The following HK2 variants were observed in gnomAD, a reference collection of about 807,000 sequenced individuals.
HK2 encodes the protein hexokinase-2.
In HK2, 42 loss-of-function variants were observed where a neutral mutation model predicts 92.9. The observed-to-expected ratio is 0.45, with a 90% CI of 0.35 to 0.58. HK2 has a LOEUF of 0.58. Ranked by LOEUF, HK2 falls within the 20% of genes least tolerant of loss-of-function variation. HK2 has a pLI of 0.00. For missense variants in HK2, 978 were observed against 1,245.1 expected (o/e 0.79, Z 3.23); for synonymous variants, 422 against 468.0 (o/e 0.90, Z 1.27).
At chr2:74,884,130 G>T (rs1359129717) in intron 12 of HK2, among the ~76,000 whole-genome samples, 1 of 152,082 alleles carries the variant, frequency 6.6e-6, no homozygotes, top group East Asian at 1.9e-4. Context: ...TTATATATTT[G>T]CCAGGGAAAC....
intron 16 of HK2, 44 bp from the exon 17 acceptor site, chr2:74,889,201 T>C: frequency 6.6e-7 from 1 of 1,521,418 alleles, no homozygotes; most frequent in South Asian, 1.2e-5. Context: ...CTACCAGCCT[T>C]CTTGGTGCAT....
rs373048090 is a variant in HK2 at position 74,881,811 on chromosome 2, C to T, written c.1671C>T (p.Asn557=). The T allele has an allele frequency of 1.9e-6, 3 of 1,614,210 alleles. No homozygotes were observed. The highest frequency in any genetic ancestry group is 1.7e-6 in the Non-Finnish European group (2 of 1,180,044). Residue 557 remains asparagine (N), a synonymous_variant, in exon 11 of 18, where the codon AAC becomes AAT. Transcript: ENST00000290573. ...NGKWGGVEMH[N]KIYAIPQEVM... is the part of the protein sequence containing the mutation. ...AGTGGGGTGGAGTGGAGATGCACAA[C>T]AAGATCTACGCCATCCCGCAGGAGG...
In HK2 at chr2:74,860,649, A is replaced by G. The variant is rs188321086; in HGVS notation, c.226+6194A>G. On this transcript the variant is annotated intron_variant, in intron 2 of 17. Coordinates refer to ENST00000290573, the MANE Select transcript of HK2 (RefSeq NM_000189.5). Reference sequence around the variant, plus strand: ...GAATCTGATATGAATATTGATGGACACCCGGGCAGTTTCCAGTTTTTGGCT... The same window carrying G: ...GAATCTGATATGAATATTGATGGACGCCCGGGCAGTTTCCAGTTTTTGGCT... Among the ~76,000 whole-genome samples, 354 of 152,280 alleles carry G rather than the reference A, an allele frequency of 2.3e-3. 2 individuals carry two copies. The highest frequency in any genetic ancestry group is 8.2e-3 in the African/African-American group (341 of 41,570).
Position 74,854,366 on chromosome 2 carries a change from A to G in HK2, c.137A>G (p.Glu46Gly). 1.2e-6 allele frequency: 2 copies of G among 1,613,994 alleles called. No homozygotes were observed. Among genetic ancestry groups the G allele is most frequent in the Non-Finnish European group, 1.7e-6 (2 of 1,180,026 alleles). ...LLEISKRFRKEMEKGLGATTH... is the reference protein window; with the variant it reads ...LLEISKRFRKGMEKGLGATTH... ...GAGATCTCTAAGCGGTTCCGCAAGG[A>G]GATGGAGAAAGGGCTTGGAGCCACC... is the stretch of plus-strand genomic sequence containing the variant. Residue 46 changes from glutamate to glycine, a missense_variant, in exon 2 of 18, where the codon GAG becomes GGG. Transcript: ENST00000290573.
intron 1 of HK2, among the ~76,000 whole-genome samples, chr2:74,850,694 A>G (rs1688546797): frequency 6.6e-6 from 1 of 152,150 alleles, no homozygotes; most frequent in African/African-American, 2.4e-5. Context: ...TGAAAATTGC[A>G]TTCATCTCCT....
At chr2:74,885,328 C>G (rs1573390911) in intron 12 of HK2, among the ~76,000 whole-genome samples, 166 bp from the exon 13 acceptor site, 2 of 152,252 alleles carry the variant, frequency 1.3e-5, no homozygotes, top group South Asian at 4.1e-4. Context: ...CTCAATAAAT[C>G]CAAGTAAGTA....
chr2:74,839,994 C>T (rs564530200), intron 1 of HK2, among the ~76,000 whole-genome samples: 14 of 109,804 alleles, frequency 1.3e-4, no homozygotes, highest in Non-Finnish European at 1.4e-4. Context: ...CTCACTCTGT[C>T]GCCCAGGCTG....
At position 74,892,195 on chromosome 2, in the gene HK2, G is replaced by A. The variant is rs1689698515; in HGVS notation, c.*1254G>A. On this transcript the variant is annotated 3_prime_UTR_variant, in exon 18 of 18. Coordinates refer to ENST00000290573, the MANE Select transcript of HK2 (RefSeq NM_000189.5). ...GAAATCTTTATTCTTAGGGCAGTCA[G>A]TAGTATTCTAAAGCTTTCTGACAAG... is the stretch of plus-strand genomic sequence containing the variant. The A allele has an allele frequency of 6.6e-6, 1 of 152,454 alleles. No individual in the cohort carries two copies. Among genetic ancestry groups the A allele is most frequent in the South Asian group, 2.1e-4 (1 of 4,828 alleles). The allele number at this position is 152,454 out of a possible 1,614,324, so 9.4% of individuals were successfully genotyped here.
intron 7 of HK2, 38 bp from the exon 8 acceptor site, chr2:74,877,128 G>A: frequency 6.2e-7 from 1 of 1,612,462 alleles, no homozygotes; most frequent in Non-Finnish European, 8.5e-7. Context: ...TACATGGGCA[G>A]TGGGGACTTT....
At chr2:74,879,921 G>T (rs4241264) in intron 9 of HK2, among the ~76,000 whole-genome samples, 82,976 of 152,090 alleles carry the variant, frequency 0.55, 23,335 homozygotes, top group Middle Eastern at 0.78. Flanking sequence ...GGCTGCTCCA[G>T]CAAAGAGGCT....
intron 2 of HK2, 94 bp from the exon 3 acceptor site, chr2:74,867,542 C>T: frequency 7.0e-7 from 1 of 1,436,148 alleles, no homozygotes; most frequent in Non-Finnish European, 9.8e-7. Context: ...CCCTTACCCA[C>T]AGATATTCCT....
At chr2:74,873,720 T>TGGGG (rs1689154565) in intron 5 of HK2, 124 bp from the exon 6 acceptor site, 3 of 701,250 alleles carry the variant, frequency 4.3e-6, no homozygotes, top group Non-Finnish European at 7.7e-6. Context: ...GGAGGAGTTA[T>TGGGG]GGGGAGGGAG....
At chr2:74,877,076 G>A in intron 7 of HK2, 90 bp from the exon 8 acceptor site, 1 of 1,538,916 alleles carries the variant, frequency 6.5e-7, no homozygotes, top group Non-Finnish European at 8.9e-7. Context: ...TAGTTGTGAA[G>A]TTGCACGTGT....
chr2:74,856,372 C>T (rs926049639), intron 2 of HK2, among the ~76,000 whole-genome samples: 2 of 152,146 alleles, frequency 1.3e-5, no homozygotes, highest in Admixed American at 1.3e-4. Context: ...GGATTGTTTC[C>T]TGAGTGTGTT....
intron 7 of HK2, among the ~76,000 whole-genome samples, chr2:74,875,460 C>G (rs1689206254): frequency 6.6e-6 from 1 of 151,386 alleles, no homozygotes; most frequent in South Asian, 2.1e-4. Context: ...TCCTGAGTAG[C>G]TGGGATTACA....
At chr2:74,881,913 C>G in intron 11 of HK2, 54 bp downstream of exon 11, 52 of 1,592,638 alleles carry the variant, frequency 3.3e-5, no homozygotes, top group Non-Finnish European at 4.4e-5. Context: ...CACCTCTTGC[C>G]TTCGAGGACA....
rs1337386071 is a variant in HK2 at position 74,892,698 on chromosome 2, A to G, written c.*1757A>G. ...CGATGAAATTGAACCTGGTTTTTGT[A>G]TATTTATCAAACTTGTGCTGAGAAT... On this transcript the variant is annotated 3_prime_UTR_variant, in exon 18 of 18. Transcript: ENST00000290573. 6.6e-6 allele frequency: 1 copy of G among 152,236 alleles called. No homozygotes were observed. Among genetic ancestry groups the G allele is most frequent in the East Asian group, 1.9e-4 (1 of 5,206 alleles). 9.4% of individuals were successfully genotyped at this position (152,236 alleles called of 1,614,324 possible). A position where few individuals can be genotyped will look rare whatever the true frequency, so the allele number is the denominator to read the frequency against.
Position 74,854,409 on chromosome 2 carries a change from A to G in HK2, c.180A>G (p.Ala60=). ...GAGCCACCACTCACCCTACTGCAGC[A>G]GTGAAGATGCTGCCCACCTTTGTGA... ...GLGATTHPTA[A]VKMLPTFVRS... is the part of the protein sequence containing the mutation. Residue 60 remains alanine (A), a synonymous_variant, in exon 2 of 18, where the codon GCA becomes GCG. Transcript: ENST00000290573. 1 of 1,614,200 alleles carries G rather than the reference A, an allele frequency of 6.2e-7. No homozygotes were observed. The highest frequency in any genetic ancestry group is 8.5e-7 in the Non-Finnish European group (1 of 1,180,030).
chr2:74,848,222 A>G (rs569251256), intron 1 of HK2, among the ~76,000 whole-genome samples: 25 of 152,300 alleles, frequency 1.6e-4, no homozygotes, highest in African/African-American at 5.8e-4. Flanking sequence ...ATTGTGCCCG[A>G]CATTCTTATT....
Sources: allele counts gnomAD v4.1 joint callset (sites outside exome capture counted in the v4.1 genomes callset), GRCh38; gene constraint gnomAD v4.1.1; transcripts MANE v1.5; gene names NCBI Gene and HGNC (gene_info 2026-07-23, HGNC 2026-07-21).